The following RIT2 variants were observed in gnomAD, a reference collection of about 807,000 sequenced individuals.
The protein encoded by RIT2 is GTP-binding protein Rit2.
Under a neutral mutation model 23.7 loss-of-function variants are expected in RIT2, and 24 were observed. The observed-to-expected ratio is 1.01, with a 90% CI of 0.73 to 1.43. The LOEUF is 1.43. Ranked by LOEUF, RIT2 falls within the 40% of genes most tolerant of loss-of-function variation. RIT2 has a pLI of 0.00. For missense variants in RIT2, 236 were observed against 266.9 expected (o/e 0.88, Z 0.81); for synonymous variants, 107 against 91.1 (o/e 1.17, Z -0.99).
chr18:42,789,342 A>G (rs945695330), intron 4 of RIT2, among the ~76,000 whole-genome samples: 16 of 152,312 alleles, frequency 1.1e-4, no homozygotes, highest in Non-Finnish European at 2.2e-4. Flanking sequence ...CTAAGGTTAT[A>G]TCTATGTTGG....
chr18:42,896,803 T>C (rs1471293936), intron 4 of RIT2, among the ~76,000 whole-genome samples: 3 of 152,226 alleles, frequency 2.0e-5, no homozygotes, highest in African/African-American at 4.8e-5. Context: ...TATTATTTAC[T>C]GTGTGAATAC....
chr18:42,835,309 T>TAC (rs1293118637), intron 4 of RIT2, among the ~76,000 whole-genome samples: 4 of 151,856 alleles, frequency 2.6e-5, no homozygotes, highest in South Asian at 4.2e-4. Flanking sequence ...AGTAATCATT[T>TAC]ACACACACAC....
At chr18:42,879,170 A>G (rs1478434934) in intron 4 of RIT2, among the ~76,000 whole-genome samples, 4 of 152,144 alleles carry the variant, frequency 2.6e-5, no homozygotes, top group African/African-American at 9.6e-5. Context: ...ACCTATGAAC[A>G]GCTTTCATCC....
intron 1 of RIT2, among the ~76,000 whole-genome samples, chr18:43,089,316 A>G (rs1325215759): frequency 2.0e-5 from 3 of 152,038 alleles, no homozygotes; most frequent in Non-Finnish European, 4.4e-5. Flanking sequence ...TAACACAATC[A>G]CATTCACAAT....
At chr18:42,746,325 C>T (rs1485207210) in intron 4 of RIT2, among the ~76,000 whole-genome samples, 2 of 152,076 alleles carry the variant, frequency 1.3e-5, no homozygotes, top group African/African-American at 4.8e-5. Flanking sequence ...AAATGCATTA[C>T]AGTCTCCAAC....
intron 4 of RIT2, among the ~76,000 whole-genome samples, chr18:42,870,050 C>T (rs555766127): frequency 6.6e-6 from 1 of 152,286 alleles, no homozygotes; most frequent in South Asian, 2.1e-4. Flanking sequence ...TATTGTGCCT[C>T]ACATGGCAAA....
At chr18:42,885,243 A>G (rs1219618069) in intron 4 of RIT2, among the ~76,000 whole-genome samples, 1 of 152,158 alleles carries the variant, frequency 6.6e-6, no homozygotes, top group African/African-American at 2.4e-5. Flanking sequence ...AATCACTTAT[A>G]CCCCAATAAA....
At chr18:42,799,397 C>A (rs138499544) in intron 4 of RIT2, among the ~76,000 whole-genome samples, 1 of 152,238 alleles carries the variant, frequency 6.6e-6, no homozygotes, top group Non-Finnish European at 1.5e-5. Flanking sequence ...ATTTGAATGC[C>A]CAAATAAATA....
intron 2 of RIT2, among the ~76,000 whole-genome samples, chr18:43,026,600 G>GAAAGAAAGAAAT (rs1911730319): frequency 2.2e-5 from 3 of 137,784 alleles, no homozygotes; most frequent in Admixed American, 1.5e-4. Flanking sequence ...AAGAAAGAAA[G>GAAAGAAAGAAAT]AAAGAAAGAA....
chr18:43,028,663 C>T (rs984448885), intron 2 of RIT2, among the ~76,000 whole-genome samples: 1 of 151,994 alleles, frequency 6.6e-6, no homozygotes, highest in Admixed American at 6.6e-5. Flanking sequence ...AATATCCTCC[C>T]TTCTCCAGAC....
At chr18:42,851,667 T>A (rs1907057523) in intron 4 of RIT2, among the ~76,000 whole-genome samples, 1 of 151,938 alleles carries the variant, frequency 6.6e-6, no homozygotes. Context: ...CTGGCCAACA[T>A]GGTGAAACCC....
At chr18:43,048,879 C>T (rs1268042293) in intron 1 of RIT2, among the ~76,000 whole-genome samples, 1 of 152,040 alleles carries the variant, frequency 6.6e-6, no homozygotes, top group African/African-American at 2.4e-5. Context: ...CATGGGAATG[C>T]CAGTTGTTCA....
chr18:42,973,306 CT>C (rs903045478), intron 3 of RIT2, among the ~76,000 whole-genome samples: 1 of 151,496 alleles, frequency 6.6e-6, no homozygotes, highest in African/African-American at 2.4e-5. Flanking sequence ...TTTATGCTTT[CT>C]TTTTTGTCTT....
chr18:43,060,451 A>C (rs554730351), intron 1 of RIT2, among the ~76,000 whole-genome samples: 1 of 152,154 alleles, frequency 6.6e-6, no homozygotes, highest in Non-Finnish European at 1.5e-5. Context: ...ATAAAATTGC[A>C]CTTACAGTTA....
chr18:43,040,191 A>G (rs146442712), intron 1 of RIT2, among the ~76,000 whole-genome samples: 1 of 152,344 alleles, frequency 6.6e-6, no homozygotes, highest in Non-Finnish European at 1.5e-5. Context: ...CCCTTCAAAT[A>G]TAGTGAATTC....
chr18:43,068,748 T>C (rs976681126), intron 1 of RIT2, among the ~76,000 whole-genome samples: 1 of 151,510 alleles, frequency 6.6e-6, no homozygotes, highest in African/African-American at 2.4e-5. Context: ...AATTGATTGA[T>C]GTGACTATAG....
At chr18:42,759,511 G>C (rs1248739628) in intron 4 of RIT2, among the ~76,000 whole-genome samples, 1 of 152,038 alleles carries the variant, frequency 6.6e-6, no homozygotes, top group Non-Finnish European at 1.5e-5. Flanking sequence ...ATGGGTTAAA[G>C]AGATGGTGCA....
intron 4 of RIT2, among the ~76,000 whole-genome samples, chr18:42,783,660 G>A (rs1018224563): frequency 3.3e-5 from 5 of 152,024 alleles, no homozygotes; most frequent in Admixed American, 1.3e-4. Flanking sequence ...TATATTAAGC[G>A]CTACTTAATT....
chr18:42,810,249 G>C (rs1420322310), intron 4 of RIT2, among the ~76,000 whole-genome samples: 2 of 151,226 alleles, frequency 1.3e-5, no homozygotes, highest in Non-Finnish European at 3.0e-5. Flanking sequence ...CATTGTTATG[G>C]GCTATTACAA....
Sources: gnomAD v4.1 joint callset for allele counts (sites outside exome capture counted in the v4.1 genomes callset) on GRCh38, gnomAD v4.1.1 for gene constraint, MANE v1.5 for transcripts, NCBI Gene and HGNC (gene_info 2026-07-23, HGNC 2026-07-21) for gene names.